The following PROX2 variants were observed in gnomAD, a reference collection of about 807,000 sequenced individuals.
PROX2 encodes the protein prospero homeobox 2.
PROX2 carries 46 observed loss-of-function variants against 48.9 expected under a neutral mutation model. That is an observed-to-expected ratio of 0.94 (90% CI 0.74 to 1.20). PROX2 has a LOEUF of 1.20. Among genes scored for constraint, PROX2 ranks in the 50% most tolerant of loss-of-function variants. The pLI is 0.00. For synonymous variants in PROX2, 260 were observed against 276.6 expected (o/e 0.94, Z 0.60); for missense variants, 663 against 719.4 (o/e 0.92, Z 0.90).
intron 1 of PROX2, chr14:74,873,768 T>C (rs1883272714): frequency 2.1e-6 from 1 of 472,790 alleles, no homozygotes; most frequent in Admixed American, 2.4e-5. Flanking sequence ...TCTAGAACAG[T>C]ATCCCACCAA....
At chr14:74,868,774 C>T (rs1175338734) in intron 2 of PROX2, among the ~76,000 whole-genome samples, 1 of 151,760 alleles carries the variant, frequency 6.6e-6, no homozygotes, top group East Asian at 1.9e-4. Flanking sequence ...GGGGGCGGAG[C>T]CTGCAGTGAG....
At position 74,872,256 on chromosome 14, in the gene PROX2, A is replaced by G. The variant is rs75952755; in HGVS notation, c.-309-1019T>C. Among the ~76,000 whole-genome samples, 726 of 152,330 alleles carry G rather than the reference A, an allele frequency of 4.8e-3. 20 individuals are homozygous for G. Among genetic ancestry groups the G allele is most frequent in the Admixed American group, 0.035 (540 of 15,300 alleles). ...AAATCAGATTTATACAAGCAGTTTT[A>G]TTGTTATTTCCTTGATAAAATTCCT... On this transcript the variant is annotated intron_variant, in intron 1 of 5. Transcript: ENST00000556489.
intron 2 of PROX2, among the ~76,000 whole-genome samples, chr14:74,869,948 T>G (rs1883169765): frequency 3.9e-5 from 6 of 152,142 alleles, no homozygotes; most frequent in Admixed American, 3.9e-4. Context: ...ACTCATAAAT[T>G]TATGTCAAAG....
At chr14:74,868,144 C>T (rs924266738) in intron 2 of PROX2, among the ~76,000 whole-genome samples, 6 of 151,346 alleles carry the variant, frequency 4.0e-5, no homozygotes, top group Non-Finnish European at 7.4e-5. Context: ...ATCTCTTAGA[C>T]GATGAAAGTA....
chr14:74,856,239 T>A (rs1057280102), intron 5 of PROX2: 6 of 153,016 alleles, frequency 3.9e-5, no homozygotes, highest in African/African-American at 1.4e-4. Context: ...CACCTTTCAC[T>A]GACGCTTTAC....
At chr14:74,874,293 G>A in intron 1 of PROX2, 1 of 300,112 alleles carries the variant, frequency 3.3e-6, no homozygotes, top group South Asian at 2.6e-5. Flanking sequence ...TTGCTCTATT[G>A]CCAGGCTGGA....
intron 5 of PROX2, 166 bp downstream of exon 5, chr14:74,856,635 G>A (rs1201671105): frequency 3.3e-6 from 2 of 606,246 alleles, no homozygotes; most frequent in Non-Finnish European, 5.7e-6. Flanking sequence ...TGTTGCCCAA[G>A]TGAAGATGTT....
At position 74,855,098 on chromosome 14, in the gene PROX2, C is replaced by G. The variant is rs762210488; in HGVS notation, c.*34G>C. 2 of 1,441,890 alleles carry G rather than the reference C, an allele frequency of 1.4e-6. No homozygotes were observed. Among genetic ancestry groups the G allele is most frequent in the South Asian group, 1.7e-5 (1 of 59,854 alleles). 89.3% of individuals were successfully genotyped at this position (1,441,890 alleles called of 1,614,324 possible). A position where few individuals can be genotyped will look rare whatever the true frequency, so the allele number is the denominator to read the frequency against. On this transcript the variant is annotated 3_prime_UTR_variant, in exon 6 of 6. Transcript: ENST00000556489. ...AAACCCAGGAAACCCTAGCCAGTCA[C>G]TCCTCACGTTGTGGGATCTTAACCC...
At position 74,857,370 on chromosome 14, in the gene PROX2, A is replaced by C. The variant is rs1468320032; in HGVS notation, c.1414-375T>G. The C allele has an allele frequency of 1.0e-3, 174 of 170,690 alleles. 1 individual carries two copies. Among genetic ancestry groups the C allele is most frequent in the Non-Finnish European group, 1.6e-4 (13 of 80,002 alleles). 10.6% of individuals were successfully genotyped at this position (170,690 alleles called of 1,614,324 possible). A position where few individuals can be genotyped will look rare whatever the true frequency, so the allele number is the denominator to read the frequency against. On this transcript the variant is annotated intron_variant, in intron 4 of 5. Coordinates refer to ENST00000556489, the MANE Select transcript of PROX2 (RefSeq NM_001243007.2). Reference sequence around the variant, plus strand: ...AGGCCTGGGGCCTTCCACTTGGATAAAGGGCCAAGGGAAGGGCAAGATGTA... The same window carrying C: ...AGGCCTGGGGCCTTCCACTTGGATACAGGGCCAAGGGAAGGGCAAGATGTA...
chr14:74,868,079 A>G (rs1352661150), intron 2 of PROX2, among the ~76,000 whole-genome samples: 1 of 152,032 alleles, frequency 6.6e-6, no homozygotes, highest in Non-Finnish European at 1.5e-5. Context: ...TAGCACTCTC[A>G]TATTCACTGA....
At chr14:74,875,233 T>C (rs1463947583) in intron 1 of PROX2, among the ~76,000 whole-genome samples, 1 of 152,240 alleles carries the variant, frequency 6.6e-6, no homozygotes, top group East Asian at 1.9e-4. Context: ...TGCAAATAAG[T>C]TTAGCTTTGC....
rs1421643904 is a variant in PROX2, at chr14:74,854,115, G to C, written c.*1017C>G. On this transcript the variant is annotated 3_prime_UTR_variant, in exon 6 of 6. Transcript: ENST00000556489. ...CTTCCTTCCCAATTTAAGCAGCATG[G>C]GCCAGATGATCTCCTAAGGCCCTTT... 2 of 275,764 alleles carry C rather than the reference G, an allele frequency of 7.3e-6. No homozygotes were observed. The highest frequency in any genetic ancestry group is 4.5e-5 in the African/African-American group (2 of 43,992). The allele number at this position is 275,764 out of a possible 1,614,324, so 17.1% of individuals were successfully genotyped here.
intron 2 of PROX2, 40 bp from the exon 3 acceptor site, chr14:74,864,048 T>C: frequency 4.7e-6 from 2 of 424,788 alleles, no homozygotes; most frequent in Non-Finnish European, 7.9e-6. Context: ...CGTGTGACTT[T>C]GAACAGTCCT....
chr14:74,861,990 C>G (rs1462109382), intron 3 of PROX2, among the ~76,000 whole-genome samples: 1 of 152,120 alleles, frequency 6.6e-6, no homozygotes, highest in African/African-American at 2.4e-5. Context: ...AGTCTCAAAA[C>G]AAAACCCTTT....
At chr14:74,864,265 A>AAATAATAAT (rs377565208) in intron 2 of PROX2, among the ~76,000 whole-genome samples, 147 of 151,678 alleles carry the variant, frequency 9.7e-4, no homozygotes, top group African/African-American at 3.4e-3. Context: ...CATAACAATA[A>AAATAATAAT]AATAATAATA....
Position 74,858,373 on chromosome 14 carries a change from C to G in PROX2, c.1413+34G>C, listed in dbSNP as rs1414964820. The stretch of plus-strand genomic sequence containing the variant: ...CAAAACACACTGCCTCTTGGGAGTT[C>G]TGCAGAAGCTGCCATTTAGTTGAGT... On this transcript the variant is annotated intron_variant, in intron 4 of 5. Coordinates refer to ENST00000556489, the MANE Select transcript of PROX2 (RefSeq NM_001243007.2). 86 of 1,346,124 alleles carry G rather than the reference C, an allele frequency of 6.4e-5. 1 individual carries two copies. The highest frequency in any genetic ancestry group is 2.4e-5 in the Non-Finnish European group (23 of 959,452). The allele number at this position is 1,346,124 out of a possible 1,614,324, so 83.4% of individuals were successfully genotyped here.
In PROX2 at chr14:74,863,643, CTT is replaced by C. The variant is rs773080155; in HGVS notation, c.190_191del (p.Lys64GlufsTer127). 5.0e-6 allele frequency: 8 copies of C among 1,584,956 alleles called. No individual in the cohort carries two copies. On this transcript the variant is annotated frameshift_variant, in exon 3 of 6. Transcript: ENST00000556489. LOFTEE classifies it high-confidence loss of function. ...EWFGDEHIQAKRARVETIVRG... is the reference protein window; with the variant it reads ...EWFGDEHIQAXRARVETIVRG... ...GGACAATGGTCTCCACTCTGGCCCT[CTT>C]TGCCTGGATGTGCTCATCACCAAAC...
chr14:74,868,359 AT>A (rs1452798498), intron 2 of PROX2, among the ~76,000 whole-genome samples: 142 of 126,172 alleles, frequency 1.1e-3, no homozygotes, highest in Non-Finnish European at 1.9e-3. Flanking sequence ...ATATATATAT[AT>A]AAACAAAAAT....
At position 74,873,717 on chromosome 14, in the gene PROX2, C is replaced by T. The variant is rs574760115; in HGVS notation, c.-310+2178G>A. On this transcript the variant is annotated intron_variant, in intron 1 of 5. Transcript: ENST00000556489. ...ATTAAGGCTTAAGGAACTAGAGAGT[C>T]ACCTGCAATAAGTGGATGGATTCGA... 7.3e-4 allele frequency: 332 copies of T among 457,440 alleles called. 4 individuals are homozygous for T. Among genetic ancestry groups the T allele is most frequent in the South Asian group, 5.6e-3 (323 of 58,174 alleles). The allele number at this position is 457,440 out of a possible 1,614,324, so 28.3% of individuals were successfully genotyped here.
Sources: allele counts gnomAD v4.1 joint callset (sites outside exome capture counted in the v4.1 genomes callset), GRCh38; gene constraint gnomAD v4.1.1; transcripts MANE v1.5; gene names NCBI Gene and HGNC (gene_info 2026-07-23, HGNC 2026-07-21).